FBXL13: variants seen among roughly 807,000 people sequenced by gnomAD.
FBXL13 encodes the protein F-box and leucine rich repeat protein 13, also known as F-box and leucine-rich repeat protein 13.
Under a neutral mutation model 83.6 loss-of-function variants are expected in FBXL13, and 67 were observed. The ratio of observed to expected loss-of-function variants is 0.80; its 90% CI spans 0.66 to 0.98. The LOEUF (loss-of-function observed/expected upper bound fraction) is 0.98, where lower values mean the gene tolerates loss of function less well. FBXL13 is among the 50% of genes least tolerant of loss of function. The probability of loss-of-function intolerance (pLI) is 0.00; values close to 1 mark genes in which losing one functional copy is unlikely to be tolerated. For missense variants in FBXL13, 822 were observed against 866.5 expected (o/e 0.95, Z 0.64); for synonymous variants, 272 against 299.5 (o/e 0.91, Z 0.95).
chr7:102,942,433 A>G, intron 8 of FBXL13: 1 of 1,177,402 alleles, frequency 8.5e-7, no homozygotes, highest in Non-Finnish European at 1.2e-6. Flanking sequence ...GGAAAAGAGA[A>G]AGAAGATACC....
intron 6 of FBXL13, among the ~76,000 whole-genome samples, chr7:103,021,100 A>G (rs1793109348): frequency 6.6e-6 from 1 of 152,242 alleles, no homozygotes. Flanking sequence ...AAGCTACAGT[A>G]ACCAAAACAG....
intron 4 of FBXL13, among the ~76,000 whole-genome samples, 171 bp from the exon 6 acceptor site, chr7:103,027,729 C>T (rs1794094075): frequency 2.0e-5 from 3 of 152,122 alleles, no homozygotes; most frequent in South Asian, 2.1e-4. Flanking sequence ...TTAGTACTCT[C>T]AAGACTTTAC....
At position 102,826,724 on chromosome 7, in the gene FBXL13, CATATATATATATATA is replaced by C. The variant is rs1432644057; in HGVS notation, c.1855-4536_1855-4522del. On this transcript the variant is annotated intron_variant, in intron 18 of 19. Transcript: ENST00000313221. ...TGGGAGACAGAGTGAGACCCTGTCTCATATATATATATATATATATATATATATATATATATATAT... is the reference window on the plus strand; with the variant it reads ...TGGGAGACAGAGTGAGACCCTGTCTCTATATATATATATATATATATATAT... 1.1e-4 allele frequency among the ~76,000 whole-genome samples: 7 copies of C among 62,712 alleles called. 1 individual carries two copies. Among genetic ancestry groups the C allele is most frequent in the African/African-American group, 3.2e-4 (7 of 21,800 alleles). The allele number at this position is 62,712 out of a possible 152,430, so 41.1% of individuals were successfully genotyped here. A position where few individuals can be genotyped will look rare whatever the true frequency, so the allele number is the denominator to read the frequency against.
intron 10 of FBXL13, among the ~76,000 whole-genome samples, chr7:102,922,910 G>A (rs952258784): frequency 3.9e-4 from 60 of 152,068 alleles, no homozygotes; most frequent in African/African-American, 1.1e-3. Flanking sequence ...CCCGGGAGGC[G>A]GAGCTTGCAG....
intron 6 of FBXL13, among the ~76,000 whole-genome samples, chr7:102,981,919 T>C (rs1017367019): frequency 1.3e-5 from 2 of 152,168 alleles, no homozygotes; most frequent in Non-Finnish European, 2.9e-5. Flanking sequence ...CAAAATATTA[T>C]TTTGACTATA....
intron 6 of FBXL13, among the ~76,000 whole-genome samples, chr7:102,992,908 G>A (rs1451673424): frequency 2.0e-5 from 3 of 152,194 alleles, no homozygotes; most frequent in African/African-American, 7.2e-5. Flanking sequence ...CGCCCAGCCT[G>A]TAAACACTTT....
chr7:102,880,236 CA>C (rs1437442121), intron 14 of FBXL13, among the ~76,000 whole-genome samples: 1 of 152,140 alleles, frequency 6.6e-6, no homozygotes, highest in African/African-American at 2.4e-5. Flanking sequence ...TTGAGAAAAA[CA>C]AAAATTCTTT....
At chr7:102,941,960 T>C (rs149828496) in intron 8 of FBXL13, among the ~76,000 whole-genome samples, 1 of 152,330 alleles carries the variant, frequency 6.6e-6, no homozygotes, top group African/African-American at 2.4e-5. Flanking sequence ...CCGTAACTGA[T>C]ACTTTTCATC....
At chr7:102,924,695 G>A (rs1024985021) in intron 10 of FBXL13, among the ~76,000 whole-genome samples, 2 of 141,724 alleles carry the variant, frequency 1.4e-5, no homozygotes, top group African/African-American at 5.2e-5. Flanking sequence ...AGGCTGGAGT[G>A]CAGTGGCGCA....
At chr7:102,846,448 A>G (rs923442583) in intron 17 of FBXL13, among the ~76,000 whole-genome samples, 23 of 152,026 alleles carry the variant, frequency 1.5e-4, no homozygotes, top group African/African-American at 9.7e-5. Context: ...GTGAAACACC[A>G]TCTCTACTAA....
chr7:103,021,980 G>A (rs1793235932), intron 6 of FBXL13, among the ~76,000 whole-genome samples: 3 of 152,138 alleles, frequency 2.0e-5, no homozygotes, highest in African/African-American at 7.2e-5. Context: ...CCATTACTGA[G>A]TATATACCCA....
At chr7:102,867,696 T>TATATATA (rs1491494721) in intron 16 of FBXL13, among the ~76,000 whole-genome samples, 2 of 35,790 alleles carry the variant, frequency 5.6e-5, no homozygotes, top group African/African-American at 3.0e-4. Flanking sequence ...TATATATATA[T>TATATATA]TTTTTTTTTT....
chr7:102,832,553 C>T (rs995499088), intron 18 of FBXL13, among the ~76,000 whole-genome samples: 1 of 152,200 alleles, frequency 6.6e-6, no homozygotes, highest in Admixed American at 6.5e-5. Context: ...AAATGCTCTA[C>T]GCACTGGCTT....
chr7:103,017,469 G>A (rs1309259825), intron 6 of FBXL13, among the ~76,000 whole-genome samples: 1 of 152,222 alleles, frequency 6.6e-6, no homozygotes. Flanking sequence ...AACAAAGCTA[G>A]ATGGAGAATG....
intron 18 of FBXL13, among the ~76,000 whole-genome samples, chr7:102,822,697 G>A (rs556836233): frequency 6.6e-6 from 1 of 152,324 alleles, no homozygotes; most frequent in South Asian, 2.1e-4. Context: ...CACATAATGG[G>A]CCTACAATTC....
At chr7:103,070,631 G>C (rs896891061) in intron 1 of FBXL13, among the ~76,000 whole-genome samples, 2 of 151,914 alleles carry the variant, frequency 1.3e-5, no homozygotes, top group African/African-American at 2.4e-5. Flanking sequence ...GTTCTGCAGG[G>C]TGTACAAGAA....
At chr7:102,868,566 T>C (rs1808075766) in intron 16 of FBXL13, among the ~76,000 whole-genome samples, 2 of 152,256 alleles carry the variant, frequency 1.3e-5, no homozygotes, top group Admixed American at 1.3e-4. Context: ...CATCCATTGA[T>C]GGACACTTAG....
At chr7:102,839,309 A>T (rs375460764) in intron 17 of FBXL13, among the ~76,000 whole-genome samples, 46 of 152,280 alleles carry the variant, frequency 3.0e-4, no homozygotes, top group East Asian at 9.7e-4. Context: ...TCTTGCTGAG[A>T]TAGTGAAAAT....
At chr7:102,864,991 A>G (rs1248199757) in intron 16 of FBXL13, among the ~76,000 whole-genome samples, 1 of 152,200 alleles carries the variant, frequency 6.6e-6, no homozygotes, top group Non-Finnish European at 1.5e-5. Context: ...TTTTAACTAT[A>G]CAGTGATGTT....
Sources: gnomAD v4.1 joint callset for allele counts (sites outside exome capture counted in the v4.1 genomes callset) on GRCh38, gnomAD v4.1.1 for gene constraint, MANE v1.5 for transcripts, NCBI Gene and HGNC (gene_info 2026-07-23, HGNC 2026-07-21) for gene names.